The following MAGI1 variants were observed in gnomAD, a reference collection of about 807,000 sequenced individuals.
The protein encoded by MAGI1 is membrane associated guanylate kinase, WW and PDZ domain containing 1, also known as membrane-associated guanylate kinase, WW and PDZ domain-containing protein 1.
MAGI1 carries 58 observed loss-of-function variants against 139.9 expected under a neutral mutation model. The observed-to-expected ratio is 0.41, with a 90% CI of 0.34 to 0.52. MAGI1 has a LOEUF of 0.52. MAGI1 is among the 20% of genes least tolerant of loss of function. MAGI1 has a pLI of 0.12. For synonymous variants in MAGI1, 812 were observed against 737.9 expected, an observed-to-expected ratio of 1.10 and a Z score of -1.63; for missense variants, 1,874 against 1,901.6, an observed-to-expected ratio of 0.99 and a Z score of 0.27.
intron 1 of MAGI1, among the ~76,000 whole-genome samples, chr3:65,837,131 A>T (rs1332419735): frequency 6.6e-6 from 1 of 152,170 alleles, no homozygotes; most frequent in Non-Finnish European, 1.5e-5. Context: ...ATAAAAAAAT[A>T]AAAAACACAG....
chr3:65,382,431 A>G (rs1943122725), intron 15 of MAGI1, among the ~76,000 whole-genome samples: 1 of 152,206 alleles, frequency 6.6e-6, no homozygotes, highest in South Asian at 2.1e-4. Context: ...TATTAATATT[A>G]CTTTTATTTA....
At chr3:65,478,925 A>G in intron 3 of MAGI1, 127 bp from the exon 4 acceptor site, 1 of 700,724 alleles carries the variant, frequency 1.4e-6, no homozygotes, top group Admixed American at 2.5e-5. Context: ...AACAAACTGT[A>G]TTTTATTTCT....
At chr3:65,445,483 A>AAAGGTTC (rs1473182408) in intron 7 of MAGI1, among the ~76,000 whole-genome samples, 1 of 152,214 alleles carries the variant, frequency 6.6e-6, no homozygotes, top group Non-Finnish European at 1.5e-5. Context: ...TTGAGCAGTC[A>AAAGGTTC]AAGGTTCTAA....
intron 12 of MAGI1, among the ~76,000 whole-genome samples, chr3:65,409,976 C>T (rs1396487063): frequency 3.9e-5 from 6 of 152,208 alleles, no homozygotes; most frequent in African/African-American, 1.4e-4. Flanking sequence ...ATAAATATGT[C>T]CCAGTAGAAA....
At chr3:65,418,420 A>C (rs550058595) in intron 12 of MAGI1, among the ~76,000 whole-genome samples, 1 of 152,336 alleles carries the variant, frequency 6.6e-6, no homozygotes, top group East Asian at 1.9e-4. Context: ...TAAATAGGAA[A>C]GCCTCAAATA....
At chr3:65,509,874 G>A (rs1052189110) in intron 2 of MAGI1, among the ~76,000 whole-genome samples, 3 of 152,268 alleles carry the variant, frequency 2.0e-5, no homozygotes, top group African/African-American at 7.2e-5. Flanking sequence ...CAAAAAGACA[G>A]CAGTAACCTC....
chr3:65,490,674 TC>T (rs977394533), intron 3 of MAGI1, among the ~76,000 whole-genome samples: 8 of 151,438 alleles, frequency 5.3e-5, no homozygotes, highest in African/African-American at 1.9e-4. Flanking sequence ...TGAAACCCTG[TC>T]TCTACTAAAA....
intron 22 of MAGI1, chr3:65,359,809 G>C: frequency 2.0e-6 from 2 of 985,648 alleles, no homozygotes; most frequent in East Asian, 2.3e-4. Context: ...TTCATCCTCA[G>C]TGCAACAGAC....
chr3:65,916,780 C>T (rs896957911), intron 1 of MAGI1, among the ~76,000 whole-genome samples: 1 of 152,032 alleles, frequency 6.6e-6, no homozygotes, highest in East Asian at 1.9e-4. Context: ...ATCATACACA[C>T]ACTAACACAC....
intron 1 of MAGI1, among the ~76,000 whole-genome samples, chr3:65,682,732 A>G (rs937589147): frequency 6.6e-6 from 1 of 152,150 alleles, no homozygotes; most frequent in African/African-American, 2.4e-5. Context: ...ACTCAAGGAA[A>G]ATTGAATCTA....
At chr3:65,441,759 TC>T (rs1190577051) in intron 8 of MAGI1, among the ~76,000 whole-genome samples, 4 of 152,132 alleles carry the variant, frequency 2.6e-5, no homozygotes, top group Non-Finnish European at 5.9e-5. Context: ...ATATTACCAA[TC>T]CCTCTTGTTA....
intron 13 of MAGI1, among the ~76,000 whole-genome samples, chr3:65,393,649 G>T (rs185204488): frequency 6.6e-6 from 1 of 152,194 alleles, no homozygotes; most frequent in Admixed American, 6.5e-5. Flanking sequence ...CCCTGAGAGT[G>T]GCATGCCTCC....
At chr3:65,960,559 A>C (rs2064373237) in intron 1 of MAGI1, among the ~76,000 whole-genome samples, 1 of 152,216 alleles carries the variant, frequency 6.6e-6, no homozygotes, top group East Asian at 1.9e-4. Flanking sequence ...AACAAGAAGG[A>C]TGTCTGTCCT....
intron 1 of MAGI1, among the ~76,000 whole-genome samples, chr3:65,791,159 C>A (rs1163319994): frequency 1.3e-5 from 2 of 152,216 alleles, no homozygotes; most frequent in Non-Finnish European, 1.5e-5. Flanking sequence ...CCCCACACAG[C>A]GCGTGCTGTC....
chr3:65,461,370 T>A (rs886650996), intron 5 of MAGI1, among the ~76,000 whole-genome samples: 1 of 151,568 alleles, frequency 6.6e-6, no homozygotes, highest in African/African-American at 2.4e-5. Context: ...CTCGTGCCAA[T>A]ACACCCGCCT....
chr3:65,420,506 A>G (rs746966669), intron 12 of MAGI1, among the ~76,000 whole-genome samples: 14 of 152,062 alleles, frequency 9.2e-5, no homozygotes, highest in Non-Finnish European at 1.9e-4. Flanking sequence ...CCCTTCCCCT[A>G]GAATAAATGC....
intron 2 of MAGI1, among the ~76,000 whole-genome samples, chr3:65,602,927 G>T (rs2106854024): frequency 6.6e-6 from 1 of 152,082 alleles, no homozygotes; most frequent in Non-Finnish European, 1.5e-5. Flanking sequence ...ATATTAAAAA[G>T]ATTTATTTTC....
intron 5 of MAGI1, among the ~76,000 whole-genome samples, chr3:65,461,279 G>C (rs1224336187): frequency 6.6e-6 from 1 of 151,812 alleles, no homozygotes; most frequent in Admixed American, 6.6e-5. Flanking sequence ...GCAGTGACAC[G>C]ATCTCGGCTC....
At chr3:65,979,774 C>T (rs751383557) in intron 1 of MAGI1, among the ~76,000 whole-genome samples, 2 of 152,156 alleles carry the variant, frequency 1.3e-5, no homozygotes, top group Admixed American at 6.5e-5. Flanking sequence ...ATGCCAATTA[C>T]TCCAGTGTCG....
Sources: gnomAD v4.1 joint callset for allele counts (sites outside exome capture counted in the v4.1 genomes callset) on GRCh38, gnomAD v4.1.1 for gene constraint, MANE v1.5 for transcripts, NCBI Gene and HGNC (gene_info 2026-07-23, HGNC 2026-07-21) for gene names.